Variants in OSBPL6 observed in about 807,000 individuals in gnomAD.
OSBPL6 encodes the protein oxysterol-binding protein-related protein 6.
OSBPL6 carries 49 observed loss-of-function variants against 125.8 expected under a neutral mutation model. The ratio of observed to expected loss-of-function variants is 0.39; its 90% CI spans 0.31 to 0.49. The LOEUF is 0.49. Among genes scored for constraint, OSBPL6 ranks in the 20% least tolerant of loss-of-function variants. The pLI, the probability that OSBPL6 is intolerant of heterozygous loss-of-function variation, is 0.88. For missense variants in OSBPL6, 986 were observed against 1,135.4 expected, an observed-to-expected ratio of 0.87 and a Z score of 1.89; for synonymous variants, 394 against 391.8, an observed-to-expected ratio of 1.01 and a Z score of -0.07.
At position 178,399,162 on chromosome 2, in the gene OSBPL6, CT is replaced by C. The variant is rs1696020083; in HGVS notation, c.*3604del. 6.6e-6 allele frequency: 1 copy of C among 152,120 alleles called. No individual in the cohort carries two copies. Among genetic ancestry groups the C allele is most frequent in the Admixed American group, 6.5e-5 (1 of 15,274 alleles). The allele number at this position is 152,120 out of a possible 1,614,324, so 9.4% of individuals were successfully genotyped here. ...TATGTTCAGGATATATAAAATGTAT[CT>C]AATTAAACAATTTTGAATCTATTTT... On this transcript the variant is annotated 3_prime_UTR_variant, in exon 25 of 25. Transcript: ENST00000190611.
intron 2 of OSBPL6, among the ~76,000 whole-genome samples, chr2:178,293,317 G>A (rs1685455195): frequency 6.6e-6 from 1 of 152,098 alleles, no homozygotes; most frequent in Non-Finnish European, 1.5e-5. Flanking sequence ...GGGAGAACCC[G>A]TGATCTGAAT....
At position 178,373,981 on chromosome 2, in the gene OSBPL6, T is replaced by C. The variant is rs1172034857; in HGVS notation, c.1487T>C (p.Phe496Ser). 1.9e-6 allele frequency: 3 copies of C among 1,614,162 alleles called. No homozygotes were observed. Among genetic ancestry groups the C allele is most frequent in the South Asian group, 1.1e-5 (1 of 91,090 alleles). ...ATGTCAGAGTCTGTTTCTGAGTTCT[T>C]TGATGCCCAAGAGGTGCTCCTCTCT... ...LSMSESVSEF[F>S]DAQEVLLSAS... The change falls in exon 15 of 25, where the codon TTT becomes TCT. Residue 496 changes from phenylalanine (F) to serine (S), a missense_variant. Around this residue, in one of 3 missense-constraint regions of OSBPL6, gnomAD observed 843 missense variants for 997.3 expected, o/e 0.85. Coordinates refer to ENST00000190611, the MANE Select transcript of OSBPL6 (RefSeq NM_032523.4).
chr2:178,318,020 T>C (rs897142914), intron 3 of OSBPL6, among the ~76,000 whole-genome samples: 2 of 152,202 alleles, frequency 1.3e-5, no homozygotes, highest in Admixed American at 6.5e-5. Context: ...TCCTCTGATT[T>C]AGTTATGCTG....
Position 178,308,554 on chromosome 2 carries a change from C to T in OSBPL6, c.102+2268C>T, listed in dbSNP as rs537335309. Among the ~76,000 whole-genome samples, 5 of 152,288 alleles carry T rather than the reference C, an allele frequency of 3.3e-5. No homozygotes were observed. The East Asian group carries it at 7.7e-4, about 23-fold the overall frequency. On this transcript the variant is annotated intron_variant, in intron 3 of 24. Coordinates refer to ENST00000190611, the MANE Select transcript of OSBPL6 (RefSeq NM_032523.4). Reference sequence around the variant, plus strand: ...TCTTAATGCACATTATTTGCCTTTCCTTCTCAAGTTCTAATCGTAGGTAAC... The same window carrying T: ...TCTTAATGCACATTATTTGCCTTTCTTTCTCAAGTTCTAATCGTAGGTAAC...
chr2:178,367,376 A>G (rs888913450), intron 13 of OSBPL6, among the ~76,000 whole-genome samples: 1 of 152,220 alleles, frequency 6.6e-6, no homozygotes, highest in African/African-American at 2.4e-5. Flanking sequence ...GACAGTTTCT[A>G]TGCTCATTTT....
chr2:178,359,407 G>A (rs930444447), intron 12 of OSBPL6, among the ~76,000 whole-genome samples: 4 of 152,100 alleles, frequency 2.6e-5, no homozygotes, highest in South Asian at 2.1e-4. Context: ...GACAAATGTC[G>A]GCAAGGGTGT....
At chr2:178,350,300 A>G (rs143066007) in intron 12 of OSBPL6, among the ~76,000 whole-genome samples, 1 of 152,326 alleles carries the variant, frequency 6.6e-6, no homozygotes, top group African/African-American at 2.4e-5. Context: ...CTGCCAGAGT[A>G]TTGAACTTTC....
intron 1 of OSBPL6, among the ~76,000 whole-genome samples, chr2:178,235,500 G>C (rs1299256631): frequency 6.9e-6 from 1 of 145,540 alleles, no homozygotes; most frequent in Non-Finnish European, 1.5e-5. Flanking sequence ...TCTGCCTCCT[G>C]GGTTCAAGCA....
At chr2:178,334,940 G>A (rs1040657795) in intron 8 of OSBPL6, among the ~76,000 whole-genome samples, 35 of 152,198 alleles carry the variant, frequency 2.3e-4, no homozygotes, top group African/African-American at 8.4e-4. Context: ...AATAAAAAAG[G>A]GAACGAACCA....
intron 2 of OSBPL6, among the ~76,000 whole-genome samples, chr2:178,295,904 A>C (rs1455416151): frequency 6.6e-6 from 1 of 152,234 alleles, no homozygotes; most frequent in Non-Finnish European, 1.5e-5. Context: ...GAATATATAC[A>C]GGTTAAATGC....
chr2:178,332,140 G>A (rs11686672), intron 6 of OSBPL6, among the ~76,000 whole-genome samples: 1 of 152,136 alleles, frequency 6.6e-6, no homozygotes, highest in Non-Finnish European at 1.5e-5. Flanking sequence ...TTAGGTTTCA[G>A]TTTTGTCCCC....
chr2:178,332,131 T>A (rs80211690), intron 6 of OSBPL6, among the ~76,000 whole-genome samples: 1 of 152,086 alleles, frequency 6.6e-6, no homozygotes, highest in Non-Finnish European at 1.5e-5. Flanking sequence ...ACTGAAGGCT[T>A]AGGTTTCAGT....
At chr2:178,337,673 A>C (rs895607857) in intron 9 of OSBPL6, among the ~76,000 whole-genome samples, 9 of 152,212 alleles carry the variant, frequency 5.9e-5, no homozygotes, top group African/African-American at 2.4e-5. Context: ...ACAGATAAGG[A>C]AACTACAACT....
intron 1 of OSBPL6, among the ~76,000 whole-genome samples, chr2:178,276,257 C>A (rs1384887743): frequency 6.6e-6 from 1 of 152,046 alleles, no homozygotes; most frequent in African/African-American, 2.4e-5. Context: ...TTTAAGCTTT[C>A]CCTGAAGTTT....
At chr2:178,200,887 C>A (rs2089215914) in intron 1 of OSBPL6, among the ~76,000 whole-genome samples, 2 of 151,892 alleles carry the variant, frequency 1.3e-5, no homozygotes, top group South Asian at 4.2e-4. Context: ...GCTCTGCCTC[C>A]CAGGTTCACA....
intron 18 of OSBPL6, 47 bp downstream of exon 18, chr2:178,384,223 A>T: frequency 6.3e-7 from 1 of 1,582,448 alleles, no homozygotes. Context: ...GTAAGAGGAC[A>T]GTTCGGTGAT....
chr2:178,346,913 A>T (rs1198511130), intron 11 of OSBPL6, among the ~76,000 whole-genome samples: 1 of 152,330 alleles, frequency 6.6e-6, no homozygotes, highest in Non-Finnish European at 1.5e-5. Context: ...AGTCAGAAGT[A>T]TGTGAAAATT....
chr2:178,324,372 G>A, intron 4 of OSBPL6, 103 bp downstream of exon 4: 1 of 793,596 alleles, frequency 1.3e-6, no homozygotes, highest in Non-Finnish European at 2.0e-6. Context: ...AAATACTTGT[G>A]ATGCCACTTG....
intron 16 of OSBPL6, chr2:178,382,736 A>G: frequency 2.1e-6 from 3 of 1,442,932 alleles, no homozygotes; most frequent in Non-Finnish European, 2.7e-6. Flanking sequence ...TTCTCAAACC[A>G]ACAGCTTGAG....
Sources: allele counts gnomAD v4.1 joint callset (sites outside exome capture counted in the v4.1 genomes callset), GRCh38; gene constraint gnomAD v4.1.1; regional missense constraint gnomAD v4.1.1; transcripts MANE v1.5; gene names NCBI Gene and HGNC (gene_info 2026-07-23, HGNC 2026-07-21).